Variants in ARHGEF1 observed in about 807,000 individuals in gnomAD.
The protein encoded by ARHGEF1 is 115 kDa guanine nucleotide exchange factor.
ARHGEF1 carries 40 observed loss-of-function variants against 119.7 expected under a neutral mutation model. The ratio of observed to expected loss-of-function variants is 0.33; its 90% CI spans 0.26 to 0.44. The LOEUF is 0.44. Ranked by LOEUF, ARHGEF1 falls within the 20% of genes least tolerant of loss-of-function variation. The pLI is 1.00. For synonymous variants in ARHGEF1, 494 were observed against 521.0 expected (o/e 0.95, Z 0.71); for missense variants, 976 against 1,268.3 (o/e 0.77, Z 3.50).
intron 18 of ARHGEF1, chr19:41,912,817 G>A: frequency 1.2e-6 from 1 of 837,970 alleles, no homozygotes; most frequent in African/African-American, 1.8e-5. Flanking sequence ...AGCCTGAGGG[G>A]TGGGGGAAGG....
intron 18 of ARHGEF1, chr19:41,912,715 G>T: frequency 2.5e-6 from 1 of 401,296 alleles, no homozygotes; most frequent in Non-Finnish European, 4.4e-6. Flanking sequence ...GGTTTGATTT[G>T]GGGGACTGAC....
At chr19:41,927,360 C>T (rs1206565096) in intron 1 of ARHGEF1, among the ~76,000 whole-genome samples, 1 of 152,130 alleles carries the variant, frequency 6.6e-6, no homozygotes, top group African/African-American at 2.4e-5. Flanking sequence ...TTCCCACAGA[C>T]CCTGTGACCC....
intron 14 of ARHGEF1, among the ~76,000 whole-genome samples, chr19:41,900,232 A>G (rs1555848761): frequency 6.6e-6 from 1 of 152,148 alleles, no homozygotes; most frequent in African/African-American, 2.4e-5. Context: ...TACTCGAGAG[A>G]GTAAGCCAGG....
At chr19:41,907,661 C>T (rs1282133270), downstream of ARHGEF1, 2 of 432,234 alleles carry the variant, frequency 4.6e-6, no homozygotes, top group Non-Finnish European at 8.2e-6. Context: ...CGCCCTCCAG[C>T]TCCCACCCCC....
At position 41,902,335 on chromosome 19, in the gene ARHGEF1, C is replaced by G; in HGVS notation, c.1476C>G (p.Ile492Met). The change falls in exon 16 of 29, where the codon ATC (isoleucine) becomes ATG (methionine). Residue 492 changes from isoleucine to methionine, a missense_variant. By Grantham distance (10) the Ile-to-Met change is conservative (BLOSUM62 1). Coordinates refer to ENST00000354532, the MANE Select transcript of ARHGEF1 (RefSeq NM_004706.4). This position sits in a 1 kb window ranked among gnomAD's most constrained non-coding sequence, Gnocchi z 6.5. ...RQESGYLIEE[I>M]GDVLLARFDG... Reference sequence around the variant, plus strand: ...AGAGTGGCTACCTCATCGAGGAGATCGGAGACGTGCTGCTGGCCCGGGTGA... The same window carrying G: ...AGAGTGGCTACCTCATCGAGGAGATGGGAGACGTGCTGCTGGCCCGGGTGA... 2 of 1,614,116 alleles carry G rather than the reference C, an allele frequency of 1.2e-6. No homozygotes were observed. Among genetic ancestry groups the G allele is most frequent in the South Asian group, 1.1e-5 (1 of 91,084 alleles).
downstream of ARHGEF1, chr19:41,909,302 G>T (rs1438664862): frequency 8.1e-7 from 1 of 1,234,598 alleles, no homozygotes; most frequent in Non-Finnish European, 1.0e-6. The surrounding 1 kb of genome is among the most constrained non-coding windows in gnomAD (Gnocchi z 5.2). Context: ...GGAGCATCTG[G>T]CCCTGGGGCC....
Position 41,895,419 on chromosome 19 carries a change from T to G in ARHGEF1, c.948T>G (p.Ala316=). Residue 316 remains alanine, a synonymous_variant, in exon 12 of 29, where the codon GCT becomes GCG. Transcript: ENST00000354532. ...GMPSRDRNIG[A]PGQDTPGVSL... ...CCTCTCGGGACCGGAATATCGGGGCTCCTGGGCAGGACACCCCTGGAGTCT... is the reference window on the plus strand; with the variant it reads ...CCTCTCGGGACCGGAATATCGGGGCGCCTGGGCAGGACACCCCTGGAGTCT... 6.2e-7 allele frequency: 1 copy of G among 1,612,720 alleles called. No individual in the cohort carries two copies. The highest frequency in any genetic ancestry group is 8.5e-7 in the Non-Finnish European group (1 of 1,179,598).
downstream of ARHGEF1, among the ~76,000 whole-genome samples, chr19:41,910,748 C>A (rs2074747046): frequency 6.6e-6 from 1 of 152,046 alleles, no homozygotes; most frequent in Admixed American, 6.6e-5. This position sits in a 1 kb window ranked among gnomAD's most constrained non-coding sequence, Gnocchi z 4.4. Flanking sequence ...CACACATGCC[C>A]ACGGAAGACA....
rs561461906 is a variant in ARHGEF1 at position 41,903,910 on chromosome 19, C to T, written c.1918-125C>T. The T allele has an allele frequency of 3.0e-6, 4 of 1,350,062 alleles. No homozygotes were observed. Among genetic ancestry groups the T allele is most frequent in the African/African-American group, 2.9e-5 (2 of 69,328 alleles). The allele number at this position is 1,350,062 out of a possible 1,614,324, so 83.6% of individuals were successfully genotyped here. A position where few individuals can be genotyped will look rare whatever the true frequency, so the allele number is the denominator to read the frequency against. On this transcript the variant is annotated intron_variant, in intron 20 of 28. Transcript: ENST00000354532. The surrounding 1 kb of genome is among the most constrained non-coding windows in gnomAD (Gnocchi z 4.2). ...CAGGAAGCGAGAGCTCTGTCCCCCA[C>T]CTCATGCCAATCCCATGATCCCCAG...
chr19:41,905,600 C>A lies in ARHGEF1; in HGVS notation c.2337-160C>A. 1.4e-6 allele frequency: 1 copy of A among 724,470 alleles called. No homozygotes were observed. The highest frequency in any genetic ancestry group is 2.3e-6 in the Non-Finnish European group (1 of 443,564). The allele number at this position is 724,470 out of a possible 1,614,324, so 44.9% of individuals were successfully genotyped here. A position where few individuals can be genotyped will look rare whatever the true frequency, so the allele number is the denominator to read the frequency against. On this transcript the variant is annotated intron_variant, in intron 24 of 28. Transcript: ENST00000354532. The surrounding 1 kb of genome is among the most constrained non-coding windows in gnomAD (Gnocchi z 6.4). ...GTCTCCTGTCTCCAGGCCTCTGTGTCTTCCATTGTCTGGGCCTCTCTGTCT... is the reference window on the plus strand; with the variant it reads ...GTCTCCTGTCTCCAGGCCTCTGTGTATTCCATTGTCTGGGCCTCTCTGTCT...
At chr19:41,896,219 G>A (rs2074482646) in intron 12 of ARHGEF1, among the ~76,000 whole-genome samples, 158 bp from the exon 13 acceptor site, 1 of 152,164 alleles carries the variant, frequency 6.6e-6, no homozygotes. Flanking sequence ...TGTTCTGAGA[G>A]GTCTTAACAT....
intron 4 of ARHGEF1, 130 bp from the exon 5 acceptor site, chr19:41,891,895 C>CTTT: frequency 1.4e-6 from 1 of 732,168 alleles, no homozygotes; most frequent in East Asian, 2.9e-5. Flanking sequence ...GGGAGTGCTT[C>CTTT]CCAGAGGAAG....
At position 41,905,919 on chromosome 19, in the gene ARHGEF1, C is replaced by T. The variant is rs1227335463; in HGVS notation, c.2405-20C>T. 1 of 1,613,982 alleles carries T rather than the reference C, an allele frequency of 6.2e-7. No homozygotes were observed. The highest frequency in any genetic ancestry group is 8.5e-7 in the Non-Finnish European group (1 of 1,179,870). On this transcript the variant is annotated intron_variant, in intron 25 of 28. Coordinates refer to ENST00000354532, the MANE Select transcript of ARHGEF1 (RefSeq NM_004706.4). This position sits in a 1 kb window ranked among gnomAD's most constrained non-coding sequence, Gnocchi z 6.4. ...GGAGGCCCGGCAGGATCTGAGCTCC[C>T]TCTCTGTTCCCCAATCCAGCCCGGA...
Position 41,903,502 on chromosome 19 carries a change from C to A in ARHGEF1, c.1839+95C>A. On this transcript the variant is annotated intron_variant, in intron 19 of 28. Transcript: ENST00000354532. The surrounding 1 kb of genome is among the most constrained non-coding windows in gnomAD (Gnocchi z 4.2). Reference sequence around the variant, plus strand: ...CCTGTCCAGAAGTCACACCCCACCCCTTGGCTTGTCTCCCTCAAGGGTCAC... The same window carrying A: ...CCTGTCCAGAAGTCACACCCCACCCATTGGCTTGTCTCCCTCAAGGGTCAC... The A allele has an allele frequency of 7.9e-7, 1 of 1,259,440 alleles. No homozygotes were observed. The highest frequency in any genetic ancestry group is 2.5e-5 in the East Asian group (1 of 39,528). 78.0% of individuals were successfully genotyped at this position (1,259,440 alleles called of 1,614,324 possible). A position where few individuals can be genotyped will look rare whatever the true frequency, so the allele number is the denominator to read the frequency against.
At position 41,906,376 on chromosome 19, in the gene ARHGEF1, C is replaced by A; in HGVS notation, c.2492-81C>A. 1 of 1,408,368 alleles carries A rather than the reference C, an allele frequency of 7.1e-7. No individual in the cohort carries two copies. The highest frequency in any genetic ancestry group is 9.6e-7 in the Non-Finnish European group (1 of 1,045,930). 87.2% of individuals were successfully genotyped at this position (1,408,368 alleles called of 1,614,324 possible). On this transcript the variant is annotated intron_variant, in intron 26 of 28. Coordinates refer to ENST00000354532, the MANE Select transcript of ARHGEF1 (RefSeq NM_004706.4). This position sits in a 1 kb window ranked among gnomAD's most constrained non-coding sequence, Gnocchi z 4.5. ...CCCACCTTCACCTCCAGCCCCTACACATCCCCTTTGGAATCCCCCATCCCA... is the reference window on the plus strand; with the variant it reads ...CCCACCTTCACCTCCAGCCCCTACAAATCCCCTTTGGAATCCCCCATCCCA...
chr19:41,897,937 G>C (rs1893789900), intron 13 of ARHGEF1: 3 of 1,295,950 alleles, frequency 2.3e-6, no homozygotes, highest in Middle Eastern at 2.3e-4. Context: ...CCTTGGCCTC[G>C]GGGTCCAGGC....
chr19:41,895,027 G>A (rs573508288), intron 11 of ARHGEF1, among the ~76,000 whole-genome samples: 3 of 147,342 alleles, frequency 2.0e-5, no homozygotes, highest in South Asian at 2.1e-4. Flanking sequence ...AGGGAGGAGC[G>A]GCTCAGACTC....
At chr19:41,901,863 CT>C in intron 14 of ARHGEF1, 23 bp from the exon 15 acceptor site, 1 of 1,604,218 alleles carries the variant, frequency 6.2e-7, no homozygotes. Context: ...CCCCAACATG[CT>C]TCCTGCTTTG....
Position 41,889,865 on chromosome 19 carries a change from C to G in ARHGEF1, c.225+1000C>G, listed in dbSNP as rs1423756244. On this transcript the variant is annotated intron_variant, in intron 4 of 28. Transcript: ENST00000354532. This position sits in a 1 kb window ranked among gnomAD's most constrained non-coding sequence, Gnocchi z 4.0. ...CCACATGCACGGAGACTCTGGCCCT[C>G]TGAGCAAGGGAGTCCCCTATTCAAG... 6.6e-6 allele frequency: 1 copy of G among 152,214 alleles called. No individual in the cohort carries two copies. The highest frequency in any genetic ancestry group is 6.5e-5 in the Admixed American group (1 of 15,288). 9.4% of individuals were successfully genotyped at this position (152,214 alleles called of 1,614,324 possible). A position where few individuals can be genotyped will look rare whatever the true frequency, so the allele number is the denominator to read the frequency against.
Sources: gnomAD v4.1 joint callset for allele counts (sites outside exome capture counted in the v4.1 genomes callset) on GRCh38, gnomAD v4.1.1 for gene constraint, Gnocchi (gnomAD v3.1) non-coding constraint, MANE v1.5 for transcripts, NCBI Gene and HGNC (gene_info 2026-07-23, HGNC 2026-07-21) for gene names.